The following KCNQ3 variants were observed in gnomAD, a reference collection of about 807,000 sequenced individuals.
KCNQ3 encodes the protein potassium voltage-gated channel subfamily KQT member 3.
In KCNQ3, 30 loss-of-function variants were observed where a neutral mutation model predicts 92.5. The observed-to-expected ratio is 0.32, with a 90% CI of 0.24 to 0.44. KCNQ3 has a LOEUF of 0.44. KCNQ3 is among the 20% of genes least tolerant of loss of function. The pLI is 1.00. For missense variants in KCNQ3, 913 were observed against 1,140.3 expected, an observed-to-expected ratio of 0.80 and a Z score of 2.87; for synonymous variants, 450 against 468.8, an observed-to-expected ratio of 0.96 and a Z score of 0.52.
intron 1 of KCNQ3, among the ~76,000 whole-genome samples, chr8:132,336,633 G>A (rs901091607): frequency 1.3e-5 from 2 of 152,198 alleles, no homozygotes; most frequent in Non-Finnish European, 1.5e-5. Flanking sequence ...TCTCTGTCTA[G>A]CCAAGTCCCC....
At chr8:132,163,395 T>G in intron 9 of KCNQ3, 73 bp downstream of exon 9, 3 of 1,319,774 alleles carry the variant, frequency 2.3e-6, no homozygotes, top group Non-Finnish European at 3.3e-6. Flanking sequence ...CATGGGGCCC[T>G]ACACCATATG....
chr8:132,259,589 C>T (rs1039816514), intron 1 of KCNQ3, among the ~76,000 whole-genome samples: 2 of 152,102 alleles, frequency 1.3e-5, no homozygotes, highest in African/African-American at 4.8e-5. Flanking sequence ...AAATCAGGAA[C>T]AAACAAAGCA....
chr8:132,368,270 A>G (rs1057291108), intron 1 of KCNQ3, among the ~76,000 whole-genome samples: 4 of 152,194 alleles, frequency 2.6e-5, no homozygotes, highest in African/African-American at 9.7e-5. Flanking sequence ...GAGTGACAGA[A>G]TCAACATGAA....
At chr8:132,243,886 T>C (rs1815071867) in intron 1 of KCNQ3, among the ~76,000 whole-genome samples, 1 of 152,270 alleles carries the variant, frequency 6.6e-6, no homozygotes, top group Non-Finnish European at 1.5e-5. Flanking sequence ...CTTCATGCTC[T>C]AGATATTATC....
chr8:132,389,153 T>C (rs1318793683), intron 1 of KCNQ3, among the ~76,000 whole-genome samples: 1 of 152,192 alleles, frequency 6.6e-6, no homozygotes, highest in African/African-American at 2.4e-5. Flanking sequence ...CTCACTGCAT[T>C]AAAAGTAAGA....
At chr8:132,406,871 T>C (rs541686942) in intron 1 of KCNQ3, among the ~76,000 whole-genome samples, 1 of 152,224 alleles carries the variant, frequency 6.6e-6, no homozygotes, top group African/African-American at 2.4e-5. Flanking sequence ...GTGTGTACAA[T>C]GGAAGAAAGG....
At chr8:132,131,161 A>C (rs1824865197) in intron 14 of KCNQ3, among the ~76,000 whole-genome samples, 1 of 152,260 alleles carries the variant, frequency 6.6e-6, no homozygotes, top group East Asian at 1.9e-4. Flanking sequence ...GGAAATTATA[A>C]ATTAAAATTT....
At chr8:132,135,659 C>T (rs183400618) in intron 12 of KCNQ3, among the ~76,000 whole-genome samples, 25 of 152,156 alleles carry the variant, frequency 1.6e-4, no homozygotes, top group Middle Eastern at 3.4e-3. Flanking sequence ...TTTTTGGAGT[C>T]TGGCATGCCT....
intron 9 of KCNQ3, among the ~76,000 whole-genome samples, chr8:132,153,316 C>A (rs145687951): frequency 7.9e-5 from 12 of 152,164 alleles, no homozygotes; most frequent in Admixed American, 2.6e-4. Flanking sequence ...CACATGCATC[C>A]AAAGAGATCC....
At chr8:132,198,850 C>T (rs1827379526) in intron 1 of KCNQ3, among the ~76,000 whole-genome samples, 1 of 152,110 alleles carries the variant, frequency 6.6e-6, no homozygotes, top group African/African-American at 2.4e-5. Flanking sequence ...ATTAAGGTAT[C>T]TCTGTTATCT....
chr8:132,359,188 AC>A (rs1479147323), intron 1 of KCNQ3, among the ~76,000 whole-genome samples: 1 of 152,206 alleles, frequency 6.6e-6, no homozygotes, highest in Non-Finnish European at 1.5e-5. Flanking sequence ...GTAGTGGGGT[AC>A]CCAACCAAAT....
intron 1 of KCNQ3, among the ~76,000 whole-genome samples, chr8:132,347,997 A>G (rs1299896279): frequency 6.6e-6 from 1 of 151,594 alleles, no homozygotes; most frequent in Non-Finnish European, 1.5e-5. Flanking sequence ...AAAAAAAAAA[A>G]AAAAGGAAAA....
intron 1 of KCNQ3, among the ~76,000 whole-genome samples, chr8:132,345,766 A>T (rs932698997): frequency 1.2e-4 from 18 of 152,320 alleles, no homozygotes; most frequent in Admixed American, 1.1e-3. Context: ...CTCAGTAAAT[A>T]GTTCTTGTAT....
intron 9 of KCNQ3, among the ~76,000 whole-genome samples, chr8:132,152,101 G>A (rs1056487409): frequency 1.3e-5 from 2 of 152,078 alleles, no homozygotes; most frequent in African/African-American, 2.4e-5. Flanking sequence ...TTCAAAAGAC[G>A]GTTTATAATA....
intron 1 of KCNQ3, among the ~76,000 whole-genome samples, chr8:132,412,172 C>A (rs1287257424): frequency 6.6e-6 from 1 of 152,188 alleles, no homozygotes; most frequent in Non-Finnish European, 1.5e-5. Flanking sequence ...TCCAGAAAAA[C>A]AATTTGATTT....
intron 1 of KCNQ3, among the ~76,000 whole-genome samples, chr8:132,310,934 G>T (rs562622146): frequency 2.0e-5 from 3 of 151,346 alleles, no homozygotes; most frequent in Non-Finnish European, 4.4e-5. Context: ...GTCACCTTAC[G>T]ACTTTTTTTT....
At chr8:132,424,456 A>G (rs932727551) in intron 1 of KCNQ3, among the ~76,000 whole-genome samples, 1 of 152,126 alleles carries the variant, frequency 6.6e-6, no homozygotes, top group Admixed American at 6.5e-5. Flanking sequence ...AGGCCCAGAG[A>G]GCAAAATAGA....
Position 132,175,194 on chromosome 8 carries a change from A to C in KCNQ3, c.933+259T>G, listed in dbSNP as rs112382123. On this transcript the variant is annotated intron_variant, in intron 5 of 14. Coordinates refer to ENST00000388996, the MANE Select transcript of KCNQ3 (RefSeq NM_004519.4). ...GGCTGAAAATAGCCTATGACTAATA[A>C]GGCTAAGTCCATAAACGACCATGCA... is the stretch of plus-strand genomic sequence containing the variant. Among the ~76,000 whole-genome samples, 3,770 of 152,300 alleles carry C rather than the reference A, an allele frequency of 0.025. 183 individuals are homozygous for C. The highest frequency in any genetic ancestry group is 0.087 in the African/African-American group (3,625 of 41,554).
In KCNQ3 at chr8:132,426,380, A is replaced by C. The variant is rs948003709; in HGVS notation, c.386+53767T>G. Among the ~76,000 whole-genome samples the C allele has an allele frequency of 2.6e-5, 4 of 152,206 alleles. No homozygotes were observed. In the East Asian group the frequency reaches 7.7e-4, roughly 29 times the overall value. On this transcript the variant is annotated intron_variant, in intron 1 of 14. Transcript: ENST00000388996. Reference sequence around the variant, plus strand: ...CAGTTCCTCCTCCAACAGAGTTGTTAAAATAAGCCAATCAGATCCTCTTGT... The same window carrying C: ...CAGTTCCTCCTCCAACAGAGTTGTTCAAATAAGCCAATCAGATCCTCTTGT...
Sources: allele counts gnomAD v4.1 joint callset (sites outside exome capture counted in the v4.1 genomes callset), GRCh38; gene constraint gnomAD v4.1.1; transcripts MANE v1.5; gene names NCBI Gene and HGNC (gene_info 2026-07-23, HGNC 2026-07-21).